LRRC4C: variants seen among roughly 807,000 people sequenced by gnomAD.
LRRC4C encodes leucine rich repeat containing 4C.
In LRRC4C, 5 loss-of-function variants were observed where a neutral mutation model predicts 33.6. The observed-to-expected ratio is 0.15, with a 90% confidence interval of 0.08 to 0.31. LRRC4C has a LOEUF of 0.31. Ranked by LOEUF, LRRC4C falls within the 10% of genes least tolerant of loss-of-function variation. The pLI is 1.00. For missense variants in LRRC4C, 560 were observed against 796.7 expected (o/e 0.70, Z 3.58); for synonymous variants, 329 against 302.0 (o/e 1.09, Z -0.93).
intron 1 of LRRC4C, among the ~76,000 whole-genome samples, chr11:41,074,408 G>C (rs909574292): frequency 1.3e-5 from 2 of 152,064 alleles, no homozygotes; most frequent in Non-Finnish European, 2.9e-5. Flanking sequence ...TTCTGTATTA[G>C]ATTTTTCATA....
chr11:40,397,305 T>C (rs1285046443), intron 3 of LRRC4C, among the ~76,000 whole-genome samples: 1 of 152,044 alleles, frequency 6.6e-6, no homozygotes, highest in Non-Finnish European at 1.5e-5. Flanking sequence ...ATTCAGGAAA[T>C]AGTGTAATTA....
chr11:40,993,652 A>C (rs73468511), intron 1 of LRRC4C, among the ~76,000 whole-genome samples: 53 of 152,156 alleles, frequency 3.5e-4, no homozygotes, highest in African/African-American at 1.2e-3. Context: ...TATTATTCCC[A>C]TCTTTTTTTT....
intron 1 of LRRC4C, among the ~76,000 whole-genome samples, chr11:41,293,973 C>G (rs1434643957): frequency 1.3e-5 from 2 of 152,118 alleles, no homozygotes. Context: ...CACAGACACA[C>G]ATTTTGAGCC....
chr11:40,717,053 T>G (rs1023516476), intron 2 of LRRC4C, among the ~76,000 whole-genome samples: 3 of 152,188 alleles, frequency 2.0e-5, no homozygotes, highest in Admixed American at 6.5e-5. Context: ...TCCAACTCAT[T>G]CACAGCCTCT....
chr11:40,979,740 C>A (rs1852373582), intron 1 of LRRC4C, among the ~76,000 whole-genome samples: 1 of 152,214 alleles, frequency 6.6e-6, no homozygotes, highest in African/African-American at 2.4e-5. Flanking sequence ...GTAAATGCTT[C>A]TGCCATTTTA....
chr11:41,032,791 T>C (rs1483071840), intron 1 of LRRC4C, among the ~76,000 whole-genome samples: 1 of 152,092 alleles, frequency 6.6e-6, no homozygotes, highest in Non-Finnish European at 1.5e-5. Context: ...TTTAAATTAG[T>C]TATGGTGAAT....
intron 3 of LRRC4C, among the ~76,000 whole-genome samples, chr11:40,452,172 T>A (rs1176967398): frequency 6.6e-6 from 1 of 151,608 alleles, no homozygotes; most frequent in African/African-American, 2.4e-5. Flanking sequence ...AAGACAAAAT[T>A]GACAAATGGG....
At chr11:40,923,662 T>TG (rs1455491514) in intron 2 of LRRC4C, among the ~76,000 whole-genome samples, 1 of 152,198 alleles carries the variant, frequency 6.6e-6, no homozygotes, top group Non-Finnish European at 1.5e-5. Context: ...ACTGATATAT[T>TG]GAAGTTTTTT....
chr11:41,049,439 A>G (rs2138098947), intron 1 of LRRC4C, among the ~76,000 whole-genome samples: 1 of 152,322 alleles, frequency 6.6e-6, no homozygotes, highest in Middle Eastern at 3.4e-3. Flanking sequence ...TTAATACAGA[A>G]TCAGTGAAAT....
chr11:40,817,022 C>T (rs570510953), intron 2 of LRRC4C, among the ~76,000 whole-genome samples: 19 of 152,168 alleles, frequency 1.2e-4, no homozygotes, highest in Non-Finnish European at 2.5e-4. Context: ...GCCTTGTCTA[C>T]AATAGTTAGC....
At chr11:40,902,390 C>T (rs1162872227) in intron 2 of LRRC4C, among the ~76,000 whole-genome samples, 1 of 152,102 alleles carries the variant, frequency 6.6e-6, no homozygotes, top group Non-Finnish European at 1.5e-5. Flanking sequence ...TCCTCCTCTT[C>T]TCAGGCATCC....
intron 3 of LRRC4C, among the ~76,000 whole-genome samples, chr11:40,616,777 G>T (rs1008729928): frequency 6.6e-6 from 1 of 151,796 alleles, no homozygotes; most frequent in South Asian, 2.1e-4. Context: ...AGGGGAGCGG[G>T]CAGTGATAGC....
chr11:40,784,744 C>A (rs1351114904), intron 2 of LRRC4C, among the ~76,000 whole-genome samples: 1 of 152,088 alleles, frequency 6.6e-6, no homozygotes, highest in African/African-American at 2.4e-5. Flanking sequence ...AGCAAATAAT[C>A]CTTAGGAAAG....
chr11:40,401,988 A>G (rs981600956), intron 3 of LRRC4C, among the ~76,000 whole-genome samples: 4 of 152,110 alleles, frequency 2.6e-5, no homozygotes, highest in Admixed American at 6.6e-5. Flanking sequence ...GCCTGAAAAA[A>G]ATATGTAACA....
intron 4 of LRRC4C, among the ~76,000 whole-genome samples, chr11:40,243,800 C>T (rs1388772050): frequency 6.7e-6 from 1 of 149,980 alleles, no homozygotes; most frequent in Non-Finnish European, 1.5e-5. Flanking sequence ...AGTGATTCTC[C>T]TGCCTCAGCT....
intron 3 of LRRC4C, among the ~76,000 whole-genome samples, chr11:40,438,414 C>T (rs1207984984): frequency 6.6e-6 from 1 of 152,190 alleles, no homozygotes; most frequent in Non-Finnish European, 1.5e-5. Flanking sequence ...TGATTGGTCT[C>T]CAAATTCATA....
chr11:40,593,499 A>T (rs541340289), intron 3 of LRRC4C, among the ~76,000 whole-genome samples: 1 of 152,332 alleles, frequency 6.6e-6, no homozygotes, highest in East Asian at 1.9e-4. Context: ...CACAACACAC[A>T]CATGTATGTA....
intron 5 of LRRC4C, among the ~76,000 whole-genome samples, chr11:40,157,436 G>C (rs553545515): frequency 2.7e-4 from 41 of 152,246 alleles, no homozygotes; most frequent in Middle Eastern, 6.8e-3. Context: ...AAGAGCTTTT[G>C]TACAGCAAAA....
At chr11:40,117,662 A>G (rs1220871135) in intron 6 of LRRC4C, among the ~76,000 whole-genome samples, 1 of 151,830 alleles carries the variant, frequency 6.6e-6, no homozygotes, top group Non-Finnish European at 1.5e-5. Context: ...CTCTCAACTC[A>G]ATAAACAGTG....
Sources: gnomAD v4.1 joint callset for allele counts (sites outside exome capture counted in the v4.1 genomes callset) on GRCh38, gnomAD v4.1.1 for gene constraint, MANE v1.5 for transcripts, NCBI Gene and HGNC (gene_info 2026-07-23, HGNC 2026-07-21) for gene names.